DCC: variants seen among roughly 807,000 people sequenced by gnomAD.
DCC encodes the protein netrin receptor DCC.
DCC carries 58 observed loss-of-function variants against 172.5 expected under a neutral mutation model. That is an observed-to-expected ratio of 0.34 (90% CI 0.27 to 0.42). The LOEUF is 0.42. DCC is among the 10% of genes least tolerant of loss of function. The pLI is 1.00. For missense variants in DCC, 1,740 were observed against 1,791.0 expected, an observed-to-expected ratio of 0.97 and a Z score of 0.51; for synonymous variants, 709 against 644.5, an observed-to-expected ratio of 1.10 and a Z score of -1.52.
chr18:52,820,688 C>T (rs1350567956), intron 2 of DCC, among the ~76,000 whole-genome samples: 1 of 152,136 alleles, frequency 6.6e-6, no homozygotes, highest in Non-Finnish European at 1.5e-5. Context: ...TCAGTAACCA[C>T]ATTAGGAGGG....
chr18:52,917,953 T>C (rs1159646941), intron 3 of DCC, among the ~76,000 whole-genome samples: 3 of 151,262 alleles, frequency 2.0e-5, no homozygotes, highest in Admixed American at 2.0e-4. Flanking sequence ...TTGTAGATTT[T>C]AATACCAAAA....
At chr18:52,927,381 A>T (rs1179776838) in intron 5 of DCC, among the ~76,000 whole-genome samples, 1 of 151,640 alleles carries the variant, frequency 6.6e-6, no homozygotes, top group Non-Finnish European at 1.5e-5. Context: ...CTATCCAAAG[A>T]TGCACAAGAA....
intron 1 of DCC, among the ~76,000 whole-genome samples, chr18:52,457,580 A>G (rs1328198089): frequency 6.6e-6 from 1 of 152,174 alleles, no homozygotes; most frequent in Non-Finnish European, 1.5e-5. Flanking sequence ...AAATGTGCCA[A>G]TATCTGTTAA....
At chr18:53,204,581 A>G (rs575796528) in intron 9 of DCC, among the ~76,000 whole-genome samples, 1 of 151,942 alleles carries the variant, frequency 6.6e-6, no homozygotes, top group East Asian at 1.9e-4. Flanking sequence ...TAGGTAAACG[A>G]TTGTGGATCT....
intron 8 of DCC, among the ~76,000 whole-genome samples, chr18:53,158,241 G>A (rs2054778527): frequency 6.6e-6 from 1 of 152,192 alleles, no homozygotes. Flanking sequence ...TCCAGTACTT[G>A]GTAGAAGTTG....
chr18:52,358,064 C>T (rs1346650886), intron 1 of DCC, among the ~76,000 whole-genome samples: 12 of 152,130 alleles, frequency 7.9e-5, no homozygotes, highest in Admixed American at 7.9e-4. Context: ...GGCATTTCAC[C>T]TCTGTGATCT....
At chr18:53,396,098 C>A (rs1908921654) in intron 17 of DCC, among the ~76,000 whole-genome samples, 1 of 145,654 alleles carries the variant, frequency 6.9e-6, no homozygotes. Context: ...AAGAAGGATT[C>A]GTAGTAGAAT....
intron 12 of DCC, among the ~76,000 whole-genome samples, chr18:53,299,076 G>A (rs1170003485): frequency 1.3e-5 from 2 of 152,008 alleles, no homozygotes; most frequent in Non-Finnish European, 2.9e-5. Flanking sequence ...TTTAATTCTG[G>A]TTTTCTTTCC....
chr18:53,234,327 G>A (rs528263958), intron 12 of DCC, among the ~76,000 whole-genome samples: 1 of 152,234 alleles, frequency 6.6e-6, no homozygotes, highest in East Asian at 1.9e-4. Context: ...TACTCGGGAG[G>A]CTGAGCCAGG....
chr18:53,456,155 A>G (rs1234812035), intron 23 of DCC, among the ~76,000 whole-genome samples: 1 of 152,210 alleles, frequency 6.6e-6, no homozygotes, highest in African/African-American at 2.4e-5. Context: ...GTGACCTGAG[A>G]TGGTCAGGAA....
intron 14 of DCC, among the ~76,000 whole-genome samples, chr18:53,327,563 G>A (rs572995584): frequency 1.3e-5 from 2 of 152,142 alleles, no homozygotes; most frequent in East Asian, 3.9e-4. Flanking sequence ...ATCAAAAGTC[G>A]GCAGTGCAGA....
intron 1 of DCC, among the ~76,000 whole-genome samples, chr18:52,734,810 C>T (rs1046782527): frequency 6.6e-6 from 1 of 152,152 alleles, no homozygotes; most frequent in African/African-American, 2.4e-5. Flanking sequence ...ATGTATTCAG[C>T]ACTGCTAAAC....
intron 1 of DCC, among the ~76,000 whole-genome samples, chr18:52,596,114 T>C (rs553507429): frequency 2.6e-5 from 4 of 152,226 alleles, no homozygotes; most frequent in Non-Finnish European, 5.9e-5. Flanking sequence ...ACAATCTTTA[T>C]GGAATAGATC....
At chr18:52,936,608 A>G (rs1456742350) in intron 5 of DCC, among the ~76,000 whole-genome samples, 1 of 57,494 alleles carries the variant, frequency 1.7e-5, no homozygotes, top group African/African-American at 5.3e-5. Flanking sequence ...ACCATTAAAA[A>G]GGCAATCTAA....
intron 9 of DCC, 120 bp from the exon 10 acceptor site, chr18:53,205,096 C>A: frequency 1.3e-6 from 1 of 772,624 alleles, no homozygotes; most frequent in Non-Finnish European, 2.2e-6. Flanking sequence ...CCATATTATT[C>A]TAAAATACAT....
chr18:53,514,588 T>C (rs930737537), intron 27 of DCC, among the ~76,000 whole-genome samples: 3 of 152,022 alleles, frequency 2.0e-5, no homozygotes, highest in African/African-American at 7.2e-5. Context: ...AAGAATCAAA[T>C]AGACACAATA....
intron 1 of DCC, among the ~76,000 whole-genome samples, chr18:52,518,993 A>T (rs558389976): frequency 7.2e-5 from 11 of 152,342 alleles, no homozygotes; most frequent in Admixed American, 7.2e-4. Context: ...CTCTGAGTTG[A>T]AACAGTTTTC....
At chr18:52,818,681 C>A (rs1195781198) in intron 2 of DCC, among the ~76,000 whole-genome samples, 1 of 152,154 alleles carries the variant, frequency 6.6e-6, no homozygotes, top group Non-Finnish European at 1.5e-5. Flanking sequence ...TAGGTAGCAT[C>A]TGAGATTCTA....
At chr18:52,554,280 T>A (rs1040954716) in intron 1 of DCC, among the ~76,000 whole-genome samples, 1 of 152,126 alleles carries the variant, frequency 6.6e-6, no homozygotes, top group African/African-American at 2.4e-5. Flanking sequence ...TCCATTTTCA[T>A]GACATGCCAC....
Sources: gnomAD v4.1 joint callset for allele counts (sites outside exome capture counted in the v4.1 genomes callset) on GRCh38, gnomAD v4.1.1 for gene constraint, MANE v1.5 for transcripts, NCBI Gene and HGNC (gene_info 2026-07-23, HGNC 2026-07-21) for gene names.